The following WDR37 variants were observed in gnomAD, a reference collection of about 807,000 sequenced individuals.
WDR37 encodes WD repeat domain 37, also known as WD repeat-containing protein 37.
Under a neutral mutation model 62.9 loss-of-function variants are expected in WDR37, and 19 were observed. The ratio of observed to expected loss-of-function variants is 0.30; its 90% CI spans 0.21 to 0.44. WDR37 has a LOEUF of 0.44. Ranked by LOEUF, WDR37 falls within the 20% of genes least tolerant of loss-of-function variation. The probability of loss-of-function intolerance (pLI) is 1.00; values close to 1 mark genes in which losing one functional copy is unlikely to be tolerated. For missense variants in WDR37, 474 were observed against 657.6 expected, an observed-to-expected ratio of 0.72 and a Z score of 3.05; for synonymous variants, 250 against 260.9, an observed-to-expected ratio of 0.96 and a Z score of 0.40.
chr10:1,074,334 C>T (rs950458942), intron 2 of WDR37: 7 of 1,232,446 alleles, frequency 5.7e-6, no homozygotes, highest in Non-Finnish European at 7.3e-6. Flanking sequence ...TGTGACACAG[C>T]AGAGGCGGTG....
Position 1,084,526 on chromosome 10 carries a change from A to G in WDR37, c.520A>G (p.Thr174Ala), listed in dbSNP as rs1166414163. The G allele has an allele frequency of 1.2e-6, 2 of 1,613,846 alleles. No homozygotes were observed. The highest frequency in any genetic ancestry group is 3.3e-5 in the Admixed American group (2 of 59,994). ...CAAGACACAGCCAGTGGTGCTCGGG[A>G]CTGCATCAGCCGGTGAGTCGCACAC... ...VAKTQPVVLG[T>A]ASADHTALLW... is the part of the protein sequence containing the mutation. The change falls in exon 6 of 14, where the codon ACT becomes GCT. Residue 174 changes from threonine to alanine, a missense_variant. Thr to Ala is a moderately conservative substitution (Grantham distance 58). Coordinates refer to ENST00000263150, the MANE Select transcript of WDR37 (RefSeq NM_014023.4).
At chr10:1,086,388 GAGGCC>G (rs1834201103) in intron 7 of WDR37, 31 bp downstream of exon 7, 1 of 1,584,518 alleles carries the variant, frequency 6.3e-7, no homozygotes, top group South Asian at 1.1e-5. Flanking sequence ...GCCGTAGCCA[GAGGCC>G]GTTGCCTTCT....
chr10:1,057,601 AG>A (rs1197375094), intron 1 of WDR37, among the ~76,000 whole-genome samples: 1 of 152,164 alleles, frequency 6.6e-6, no homozygotes, highest in Non-Finnish European at 1.5e-5. Flanking sequence ...CCACCGCTGG[AG>A]GGAAACATTT....
intron 13 of WDR37, 46 bp downstream of exon 13, chr10:1,125,070 A>T: frequency 6.3e-7 from 1 of 1,596,474 alleles, no homozygotes; most frequent in East Asian, 2.2e-5. Context: ...GTGGAGGAGG[A>T]CGGGTAGAGA....
chr10:1,086,246 A>G, intron 6 of WDR37, 40 bp from the exon 7 acceptor site: 2 of 1,554,126 alleles, frequency 1.3e-6, no homozygotes, highest in South Asian at 1.1e-5. Flanking sequence ...CTATAAACTG[A>G]TGATAGCTAA....
chr10:1,120,936 AGC>A (rs1234103863), intron 11 of WDR37, among the ~76,000 whole-genome samples: 1 of 152,220 alleles, frequency 6.6e-6, no homozygotes, highest in Non-Finnish European at 1.5e-5. Flanking sequence ...CCGCGGAGGG[AGC>A]GGAATGTTCC....
At chr10:1,087,203 C>T (rs1834230885) in intron 7 of WDR37, among the ~76,000 whole-genome samples, 1 of 152,310 alleles carries the variant, frequency 6.6e-6, no homozygotes, top group Middle Eastern at 3.4e-3. Context: ...CAGGCTGGCG[C>T]CTTTCCCGTG....
intron 8 of WDR37, among the ~76,000 whole-genome samples, chr10:1,094,680 A>G (rs540536196): frequency 7.0e-4 from 107 of 152,330 alleles, no homozygotes; most frequent in African/African-American, 2.5e-3. Flanking sequence ...AGGGCTGGAA[A>G]AGAGGGTGGA....
chr10:1,106,924 G>A (rs1835041696), intron 11 of WDR37, among the ~76,000 whole-genome samples: 1 of 152,212 alleles, frequency 6.6e-6, no homozygotes, highest in African/African-American at 2.4e-5. Context: ...GATCTTTATG[G>A]CAGCCTGGGT....
Position 1,103,635 on chromosome 10 carries a change from A to G in WDR37, c.760A>G (p.Lys254Glu), listed in dbSNP as rs760278374. 1 of 1,614,222 alleles carries G rather than the reference A, an allele frequency of 6.2e-7. No homozygotes were observed. Among genetic ancestry groups the G allele is most frequent in the Non-Finnish European group, 8.5e-7 (1 of 1,180,026 alleles). The part of the protein sequence containing the change: ...SGEDEVECSD[K>E]DEPDLDGDVS... ...GGAAGATGAAGTAGAGTGCTCTGAC[A>G]AGGACGAGCCCGACCTCGATGGGGA... The change falls in exon 10 of 14, where the codon AAG (lysine) becomes GAG (glutamate). Residue 254 changes from lysine to glutamate, a missense_variant. Transcript: ENST00000263150. This position sits in a 1 kb window ranked among gnomAD's most constrained non-coding sequence, Gnocchi z 6.3.
intron 3 of WDR37, among the ~76,000 whole-genome samples, chr10:1,078,222 AAAAT>A (rs1384668448): frequency 6.6e-6 from 1 of 152,228 alleles, no homozygotes; most frequent in East Asian, 1.9e-4. Flanking sequence ...ATAAAAATAA[AAAAT>A]AAAAAATACA....
In WDR37 at chr10:1,090,646, T is replaced by C. The variant is rs368412486; in HGVS notation, c.605-2806T>C. ...CGCTCTGGCCCCCAGGAGAGGAAAA[T>C]GGGTGAGGGTCCCAGTTTCACTGTG... On this transcript the variant is annotated intron_variant, in intron 7 of 13. Coordinates refer to ENST00000263150, the MANE Select transcript of WDR37 (RefSeq NM_014023.4). Among the ~76,000 whole-genome samples, 7 of 152,132 alleles carry C rather than the reference T, an allele frequency of 4.6e-5. No homozygotes were observed. The South Asian group carries it at 6.2e-4, about 14-fold the overall frequency.
rs59543298 is a variant in WDR37 at position 1,078,204 on chromosome 10, G to A, written c.235+201G>A. Among the ~76,000 whole-genome samples, 1,341 of 151,724 alleles carry A rather than the reference G, an allele frequency of 8.8e-3. 12 individuals are homozygous for A. The highest frequency in any genetic ancestry group is 0.021 in the African/African-American group (865 of 41,334). ...TTCCCACGAGGACTCCGTCTCAAAA[G>A]TAAATAAATAAAAATAAAAAATAAA... On this transcript the variant is annotated intron_variant, in intron 3 of 13. Coordinates refer to ENST00000263150, the MANE Select transcript of WDR37 (RefSeq NM_014023.4).
chr10:1,118,785 T>C (rs1835482439), intron 11 of WDR37, among the ~76,000 whole-genome samples: 1 of 152,128 alleles, frequency 6.6e-6, no homozygotes. Flanking sequence ...GCTTTAGGAG[T>C]GTGCACGCAC....
chr10:1,081,550 G>A (rs1834029204), intron 5 of WDR37, among the ~76,000 whole-genome samples: 1 of 152,010 alleles, frequency 6.6e-6, no homozygotes. Flanking sequence ...ATAGTCTTTG[G>A]TAATTCTTTG....
intron 13 of WDR37, 63 bp from the exon 14 acceptor site, chr10:1,129,150 G>C: frequency 6.3e-7 from 1 of 1,592,754 alleles, no homozygotes. Context: ...TCATTTCGCT[G>C]AGGTCTTATA....
intron 1 of WDR37, among the ~76,000 whole-genome samples, chr10:1,062,644 GACTT>G (rs1316502839): frequency 1.3e-5 from 2 of 152,100 alleles, no homozygotes; most frequent in African/African-American, 4.8e-5. Context: ...TGTAAAGCAA[GACTT>G]ACTTCTCCTT....
In WDR37 at chr10:1,131,530, C is replaced by CTGCA. The variant is rs879523441; in HGVS notation, c.*2189_*2192dup. The CTGCA allele has an allele frequency of 1.7e-4, 26 of 152,290 alleles. No homozygotes were observed. The highest frequency in any genetic ancestry group is 3.1e-4 in the Non-Finnish European group (21 of 68,094). The allele number at this position is 152,290 out of a possible 1,614,324, so 9.4% of individuals were successfully genotyped here. A position where few individuals can be genotyped will look rare whatever the true frequency, so the allele number is the denominator to read the frequency against. ...TGGAGGGACCTCAGAAACTGGACTC[C>CTGCA]TGCATGTCCTTGGGGGCGCAGCCCT... On this transcript the variant is annotated 3_prime_UTR_variant, in exon 14 of 14. Transcript: ENST00000263150.
intron 11 of WDR37, among the ~76,000 whole-genome samples, chr10:1,107,853 C>T (rs953176291): frequency 6.6e-6 from 1 of 152,158 alleles, no homozygotes. Context: ...GAAACACACG[C>T]CCACTTCCCC....
Sources: gnomAD v4.1 joint callset for allele counts (sites outside exome capture counted in the v4.1 genomes callset) on GRCh38, gnomAD v4.1.1 for gene constraint, Gnocchi (gnomAD v3.1) non-coding constraint, MANE v1.5 for transcripts, NCBI Gene and HGNC (gene_info 2026-07-23, HGNC 2026-07-21) for gene names.